ARFIP1: variants seen among roughly 807,000 people sequenced by gnomAD.
The protein encoded by ARFIP1 is ARF interacting protein 1.
Under a neutral mutation model 42.5 loss-of-function variants are expected in ARFIP1, and 24 were observed. The observed-to-expected ratio is 0.57, with a 90% CI of 0.41 to 0.80. The LOEUF is 0.80. ARFIP1 is among the 30% of genes least tolerant of loss of function. ARFIP1 has a pLI of 0.00. For missense variants in ARFIP1, 354 were observed against 434.0 expected (o/e 0.82, Z 1.64); for synonymous variants, 141 against 153.7 (o/e 0.92, Z 0.61).
At chr4:152,898,750 T>A (rs1219828856) in intron 8 of ARFIP1, among the ~76,000 whole-genome samples, 1 of 152,164 alleles carries the variant, frequency 6.6e-6, no homozygotes, top group Non-Finnish European at 1.5e-5. Flanking sequence ...CACACAAGAA[T>A]GGGTAACATG....
chr4:152,784,013 A>C (rs1255324373), intron 1 of ARFIP1, among the ~76,000 whole-genome samples: 1 of 152,262 alleles, frequency 6.6e-6, no homozygotes, highest in Non-Finnish European at 1.5e-5. Flanking sequence ...AGAGTCTGGA[A>C]GTATAAATAA....
At chr4:152,818,727 G>A (rs1434758029) in intron 1 of ARFIP1, among the ~76,000 whole-genome samples, 1 of 152,216 alleles carries the variant, frequency 6.6e-6, no homozygotes, top group East Asian at 1.9e-4. Context: ...GTGGCCTGGG[G>A]GCAGTTTTGC....
intron 1 of ARFIP1, among the ~76,000 whole-genome samples, chr4:152,794,788 T>G (rs1561100946): frequency 6.6e-6 from 1 of 152,200 alleles, no homozygotes; most frequent in African/African-American, 2.4e-5. Context: ...CTTATCAGAT[T>G]GTTTATATCA....
intron 1 of ARFIP1, among the ~76,000 whole-genome samples, chr4:152,813,133 AT>A (rs1242927397): frequency 1.3e-5 from 2 of 152,254 alleles, no homozygotes; most frequent in Non-Finnish European, 2.9e-5. Context: ...ACAATAAAAA[AT>A]AATACAGTGT....
At chr4:152,825,880 C>T (rs1226843280) in intron 1 of ARFIP1, among the ~76,000 whole-genome samples, 1 of 151,988 alleles carries the variant, frequency 6.6e-6, no homozygotes, top group African/African-American at 2.4e-5. Context: ...AAGAAATACA[C>T]AAATGGCCAA....
intron 2 of ARFIP1, among the ~76,000 whole-genome samples, chr4:152,859,659 G>C (rs1365824741): frequency 2.0e-5 from 3 of 151,816 alleles, no homozygotes; most frequent in Admixed American, 6.6e-5. Flanking sequence ...GGCTTTTCTT[G>C]CATTTTTTGG....
chr4:152,881,690 C>T (rs187348572), intron 6 of ARFIP1, among the ~76,000 whole-genome samples: 20 of 152,166 alleles, frequency 1.3e-4, no homozygotes, highest in African/African-American at 4.6e-4. Flanking sequence ...CCAATATTTG[C>T]AACAAATCAA....
chr4:152,894,357 T>A (rs1238476119), intron 8 of ARFIP1, among the ~76,000 whole-genome samples: 2 of 152,118 alleles, frequency 1.3e-5, no homozygotes, highest in Non-Finnish European at 2.9e-5. Context: ...CCTCAGAATT[T>A]AAAAAATAGA....
At chr4:152,869,719 G>C (rs891337457) in intron 3 of ARFIP1, among the ~76,000 whole-genome samples, 4 of 152,134 alleles carry the variant, frequency 2.6e-5, no homozygotes, top group African/African-American at 9.7e-5. Context: ...ATGAGCCGCC[G>C]CTCTCAGCCA....
intron 1 of ARFIP1, among the ~76,000 whole-genome samples, chr4:152,816,328 CTCTCTGCCATT>C (rs2149836279): frequency 6.6e-6 from 1 of 152,346 alleles, no homozygotes; most frequent in African/African-American, 2.4e-5. Flanking sequence ...CACTGGCCAT[CTCTCTGCCATT>C]TCCTCCTTTT....
intron 1 of ARFIP1, among the ~76,000 whole-genome samples, chr4:152,812,069 TTTTTA>T (rs1729510987): frequency 6.6e-6 from 1 of 152,222 alleles, no homozygotes; most frequent in South Asian, 2.1e-4. Flanking sequence ...GAACATCGGT[TTTTTA>T]TTTAAAGTCA....
intron 1 of ARFIP1, among the ~76,000 whole-genome samples, chr4:152,823,476 T>G (rs530914465): frequency 8.6e-4 from 131 of 152,256 alleles, no homozygotes; most frequent in African/African-American, 3.1e-3. Context: ...CTACCAGATA[T>G]TCAAAGAAAT....
chr4:152,861,064 G>A (rs368271796), intron 2 of ARFIP1, among the ~76,000 whole-genome samples: 4 of 152,306 alleles, frequency 2.6e-5, no homozygotes, highest in African/African-American at 9.6e-5. Flanking sequence ...TTTAAGCAAT[G>A]TAAAACTTGA....
At chr4:152,863,564 A>ATT in intron 2 of ARFIP1, 42 bp from the exon 3 acceptor site, 2 of 1,179,550 alleles carry the variant, frequency 1.7e-6, no homozygotes, top group Non-Finnish European at 2.5e-6. Context: ...GTCATGTGGG[A>ATT]TTTTTTTACA....
intron 1 of ARFIP1, among the ~76,000 whole-genome samples, chr4:152,805,340 T>C (rs1287800350): frequency 6.6e-6 from 1 of 152,238 alleles, no homozygotes. Flanking sequence ...GTGTATAGAA[T>C]TGCCTGGAGC....
At position 152,890,298 on chromosome 4, in the gene ARFIP1, T is replaced by C. The variant is rs553183646; in HGVS notation, c.966+1991T>C. Among the ~76,000 whole-genome samples, 12 of 152,192 alleles carry C rather than the reference T, an allele frequency of 7.9e-5. No individual in the cohort carries two copies. The South Asian group carries it at 8.3e-4, about 11-fold the overall frequency. On this transcript the variant is annotated intron_variant, in intron 8 of 8. Coordinates refer to ENST00000353617, the MANE Select transcript of ARFIP1 (RefSeq NM_001025595.3). ...GCAGGGAGGGAAGAAGGAGACACTTTCGTTTACAGAGGGAGGGAAGGAGAC... is the reference window on the plus strand; with the variant it reads ...GCAGGGAGGGAAGAAGGAGACACTTCCGTTTACAGAGGGAGGGAAGGAGAC...
At chr4:152,888,095 G>A in intron 7 of ARFIP1, 38 bp from the exon 8 acceptor site, 1 of 1,544,168 alleles carries the variant, frequency 6.5e-7, no homozygotes, top group Non-Finnish European at 8.8e-7. Flanking sequence ...ATACTTTACT[G>A]TTCTTGTAGT....
intron 1 of ARFIP1, among the ~76,000 whole-genome samples, chr4:152,823,215 TACAACTGCTACCAC>T (rs1332118852): frequency 6.6e-6 from 1 of 152,108 alleles, no homozygotes; most frequent in Non-Finnish European, 1.5e-5. Flanking sequence ...ATGGAGACAT[TACAACTGCTACCAC>T]ACAAATACAA....
chr4:152,896,493 T>C (rs558465835), intron 8 of ARFIP1, among the ~76,000 whole-genome samples: 1 of 152,262 alleles, frequency 6.6e-6, no homozygotes, highest in Non-Finnish European at 1.5e-5. Flanking sequence ...AAGCACAAAG[T>C]AGTGTTTATT....
Sources: gnomAD v4.1 joint callset for allele counts (sites outside exome capture counted in the v4.1 genomes callset) on GRCh38, gnomAD v4.1.1 for gene constraint, MANE v1.5 for transcripts, NCBI Gene and HGNC (gene_info 2026-07-23, HGNC 2026-07-21) for gene names.